Variants in CEP131 observed in about 807,000 individuals in gnomAD.
The protein encoded by CEP131 is centrosomal protein of 131 kDa.
In CEP131, 99 loss-of-function variants were observed where a neutral mutation model predicts 136.8. That is an observed-to-expected ratio of 0.72 (90% CI 0.62 to 0.86). The LOEUF (loss-of-function observed/expected upper bound fraction) is 0.86. Among genes scored for constraint, CEP131 ranks in the 40% least tolerant of loss-of-function variants. CEP131 has a pLI of 0.00. For missense variants in CEP131, 1,459 were observed against 1,463.0 expected, an observed-to-expected ratio of 1.00 and a Z score of 0.04; for synonymous variants, 646 against 612.7, an observed-to-expected ratio of 1.05 and a Z score of -0.80.
intron 7 of CEP131, among the ~76,000 whole-genome samples, chr17:81,201,317 G>T (rs368123419): frequency 6.6e-6 from 1 of 152,166 alleles, no homozygotes; most frequent in Non-Finnish European, 1.5e-5. Flanking sequence ...TGACGGCTCC[G>T]CCAGGAGCAG....
Position 81,219,872 on chromosome 17 carries a change from G to A in CEP131, c.177+8C>T, listed in dbSNP as rs779016745. ...CAGGGGCCCGGACTCCTAGGCCACAGTACTCACCAGCACCTTCCTCTTCTG... is the reference window on the plus strand; with the variant it reads ...CAGGGGCCCGGACTCCTAGGCCACAATACTCACCAGCACCTTCCTCTTCTG... On this transcript the variant is annotated splice_region_variant and intron_variant, in intron 2 of 25. Transcript: ENST00000450824. This position sits in a 1 kb window ranked among gnomAD's most constrained non-coding sequence, Gnocchi z 4.0. The A allele has an allele frequency of 7.0e-5, 111 of 1,592,094 alleles. No individual in the cohort carries two copies. The highest frequency in any genetic ancestry group is 1.7e-5 in the Admixed American group (1 of 57,570).
Position 81,191,334 on chromosome 17 carries a change from T to A in CEP131, c.2624A>T (p.Glu875Val). ...CTGTTCCCGGTTCAGCAGCCACGCC[T>A]CCTGGGGGGACATGCGCTGCCTGGG... ...AWEAGRTRKE[E>V]AWLLNREQEL... The change falls in exon 22 of 26, where the codon GAG (glutamate) becomes GTG (valine). Residue 875 changes from glutamate to valine, a missense_variant and splice_region_variant. This residue lies in a region of CEP131 where 1,026 missense variants were observed against 964.2 expected (regional missense o/e 1.06). Transcript: ENST00000450824. The A allele has an allele frequency of 6.2e-7, 1 of 1,612,604 alleles. No individual in the cohort carries two copies. Among genetic ancestry groups the A allele is most frequent in the African/African-American group, 1.3e-5 (1 of 75,048 alleles).
chr17:81,212,729 C>A (rs2062161408), intron 2 of CEP131, among the ~76,000 whole-genome samples: 1 of 152,224 alleles, frequency 6.6e-6, no homozygotes, highest in African/African-American at 2.4e-5. Context: ...ACGATGGGGC[C>A]GCATCCTCAC....
In CEP131 at chr17:81,203,335, G is replaced by A. The variant is rs1483043381; in HGVS notation, c.629+159C>T. ...TGCACTGACCACGTGCCCTGACCGA[G>A]GTTGGACCCCATGCACACTGACCGC... On this transcript the variant is annotated intron_variant, in intron 6 of 25. Coordinates refer to ENST00000450824, the MANE Select transcript of CEP131 (RefSeq NM_014984.4). The surrounding 1 kb of genome is among the most constrained non-coding windows in gnomAD (Gnocchi z 4.6). Among the ~76,000 whole-genome samples the A allele has an allele frequency of 2.0e-5, 3 of 152,226 alleles. No individual in the cohort carries two copies. Among genetic ancestry groups the A allele is most frequent in the Admixed American group, 1.3e-4 (2 of 15,288 alleles).
rs942398557 is a variant in CEP131 at position 81,219,130 on chromosome 17, GA to G, written c.177+749del. ...CCTGCCTTTCACAGCCCCCATCTGG[GA>G]ACCACCCACCCTCCTCCCTACTCCC... On this transcript the variant is annotated intron_variant, in intron 2 of 25. Transcript: ENST00000450824. The surrounding 1 kb of genome is among the most constrained non-coding windows in gnomAD (Gnocchi z 4.0). Among the ~76,000 whole-genome samples the G allele has an allele frequency of 2.6e-5, 4 of 152,084 alleles. No homozygotes were observed. The highest frequency in any genetic ancestry group is 9.7e-5 in the African/African-American group (4 of 41,416).
chr17:81,199,639 G>A lies in CEP131; in HGVS notation c.1023+80C>T, dbSNP rs370834461. ...CTGCCCTGAGGCTAAGTGTCCCGGG[G>A]CCCAGGGAGCCCCAGCAGCAGCCCC... is the stretch of plus-strand genomic sequence containing the variant. On this transcript the variant is annotated intron_variant, in intron 9 of 25. Coordinates refer to ENST00000450824, the MANE Select transcript of CEP131 (RefSeq NM_014984.4). 2.3e-3 allele frequency: 3,700 copies of A among 1,595,720 alleles called. 56 individuals are homozygous for A. In the South Asian group the frequency reaches 0.024, roughly 10 times the overall value.
rs780781659 is a variant in CEP131 at position 81,192,462 on chromosome 17, C to A, written c.2547+14G>T. On this transcript the variant is annotated intron_variant, in intron 20 of 25. Coordinates refer to ENST00000450824, the MANE Select transcript of CEP131 (RefSeq NM_014984.4). ...CCCCCTGGCCAGGCCCAGCACAGCC[C>A]TCCGGTGGTAGACCTGGTGCCGGCG... 10 of 1,612,036 alleles carry A rather than the reference C, an allele frequency of 6.2e-6. No individual in the cohort carries two copies. The Admixed American group carries it at 1.2e-4, about 19-fold the overall frequency.
rs1296201332 is a variant in CEP131 at position 81,219,126 on chromosome 17, C to G, written c.177+754G>C. ...CCGGCCTGCCTTTCACAGCCCCCATCTGGGAACCACCCACCCTCCTCCCTA... is the reference window on the plus strand; with the variant it reads ...CCGGCCTGCCTTTCACAGCCCCCATGTGGGAACCACCCACCCTCCTCCCTA... On this transcript the variant is annotated intron_variant, in intron 2 of 25. Transcript: ENST00000450824. The surrounding 1 kb of genome is among the most constrained non-coding windows in gnomAD (Gnocchi z 4.0). Among the ~76,000 whole-genome samples the G allele has an allele frequency of 6.6e-6, 1 of 152,154 alleles. No individual in the cohort carries two copies. Among genetic ancestry groups the G allele is most frequent in the Non-Finnish European group, 1.5e-5 (1 of 68,012 alleles).
chr17:81,221,643 C>CA (rs1261969150), intron 1 of CEP131, among the ~76,000 whole-genome samples: 1 of 152,216 alleles, frequency 6.6e-6, no homozygotes, highest in Non-Finnish European at 1.5e-5. Flanking sequence ...TCCCTGCACT[C>CA]AGAGGCCTTC....
chr17:81,207,134 C>A lies in CEP131; in HGVS notation c.378G>T (p.Trp126Cys). 1 of 1,612,602 alleles carries A rather than the reference C, an allele frequency of 6.2e-7. No homozygotes were observed. The highest frequency in any genetic ancestry group is 8.5e-7 in the Non-Finnish European group (1 of 1,179,648). Residue 126 changes from tryptophan (W) to cysteine (C), a missense_variant, in exon 4 of 26, where the codon TGG becomes TGT. By Grantham distance (215) the Trp-to-Cys change is radical (BLOSUM62 -2). Around this residue, in one of 3 missense-constraint regions of CEP131, gnomAD observed 187 missense variants for 179.9 expected, o/e 1.04. Transcript: ENST00000450824. ...STAPSEKGAT[W>C]NVLDDQPRGF... ...GCATGCACCACCTTACCAGGACGTT[C>A]CAGGTGGCTCCCTTCTCGCTGGGGG...
chr17:81,194,405 G>A (rs2061709941), intron 17 of CEP131, among the ~76,000 whole-genome samples: 1 of 152,204 alleles, frequency 6.6e-6, no homozygotes, highest in African/African-American at 2.4e-5. Flanking sequence ...GGTGTCCAGA[G>A]CGAGAGGACC....
Position 81,197,693 on chromosome 17 carries a change from C to T in CEP131, c.1647+19G>A, listed in dbSNP as rs201242102. 8.7e-4 allele frequency: 1,382 copies of T among 1,596,052 alleles called. 12 individuals are homozygous for T. The highest frequency in any genetic ancestry group is 7.4e-3 in the South Asian group (667 of 90,014). ...GCCTCCTCCCACTGGGGGCCGGGTG[C>T]GGGCTGGTGAGGGGCCACCTCCTGC... is the stretch of plus-strand genomic sequence containing the variant. On this transcript the variant is annotated intron_variant, in intron 13 of 25. Coordinates refer to ENST00000450824, the MANE Select transcript of CEP131 (RefSeq NM_014984.4).
At chr17:81,202,217 C>T (rs73356021) in intron 7 of CEP131, 23 bp downstream of exon 7, 66 of 1,549,686 alleles carry the variant, frequency 4.3e-5, no homozygotes, top group African/African-American at 1.8e-4. Context: ...CAGGCCCCCC[C>T]CCACCGCCCC....
At chr17:81,209,099 A>G in intron 2 of CEP131, 77 bp from the exon 3 acceptor site, 1 of 1,107,380 alleles carries the variant, frequency 9.0e-7, no homozygotes, top group East Asian at 2.5e-5. Flanking sequence ...CCAGCTTTGG[A>G]GAAACGCAGT....
Position 81,219,138 on chromosome 17 carries a change from C to T in CEP131, c.177+742G>A, listed in dbSNP as rs2062325860. ...TCACAGCCCCCATCTGGGAACCACCCACCCTCCTCCCTACTCCCAGAGGTG... is the reference window on the plus strand; with the variant it reads ...TCACAGCCCCCATCTGGGAACCACCTACCCTCCTCCCTACTCCCAGAGGTG... On this transcript the variant is annotated intron_variant, in intron 2 of 25. Coordinates refer to ENST00000450824, the MANE Select transcript of CEP131 (RefSeq NM_014984.4). This position sits in a 1 kb window ranked among gnomAD's most constrained non-coding sequence, Gnocchi z 4.0. Among the ~76,000 whole-genome samples the T allele has an allele frequency of 6.6e-6, 1 of 152,154 alleles. No individual in the cohort carries two copies. The highest frequency in any genetic ancestry group is 2.4e-5 in the African/African-American group (1 of 41,438).
chr17:81,205,190 C>T (rs566619407), intron 5 of CEP131, among the ~76,000 whole-genome samples: 4 of 148,324 alleles, frequency 2.7e-5, no homozygotes, highest in Admixed American at 6.7e-5. Flanking sequence ...ACCCGGGAAG[C>T]GGAGGTTGCG....
intron 4 of CEP131, 114 bp downstream of exon 4, chr17:81,207,011 A>T: frequency 6.6e-7 from 1 of 1,515,422 alleles, no homozygotes; most frequent in Non-Finnish European, 8.9e-7. Flanking sequence ...TGTCAGATCT[A>T]AGCTTGACAC....
In CEP131 at chr17:81,199,550, C is replaced by T. The variant is rs1195601524; in HGVS notation, c.1024-1G>A. On this transcript the variant is annotated splice_acceptor_variant, in intron 9 of 25. Transcript: ENST00000450824. LOFTEE classifies it high-confidence loss of function. ...TCAGGGCTCGTTTCTGTTGCAGCTCCTGCAGTGGGAGCATCGCTGAGCACT... is the reference window on the plus strand; with the variant it reads ...TCAGGGCTCGTTTCTGTTGCAGCTCTTGCAGTGGGAGCATCGCTGAGCACT... 9 of 1,604,426 alleles carry T rather than the reference C, an allele frequency of 5.6e-6. No homozygotes were observed. The highest frequency in any genetic ancestry group is 7.7e-6 in the Non-Finnish European group (9 of 1,176,086).
At chr17:81,197,346 A>G in intron 13 of CEP131, 1 of 539,836 alleles carries the variant, frequency 1.9e-6, no homozygotes, top group Non-Finnish European at 3.3e-6. Flanking sequence ...TGCTCCATTT[A>G]GCCTGGCCGC....
Sources: allele counts gnomAD v4.1 joint callset (sites outside exome capture counted in the v4.1 genomes callset), GRCh38; gene constraint gnomAD v4.1.1; regional missense constraint gnomAD v4.1.1; non-coding constraint Gnocchi (gnomAD v3.1); transcripts MANE v1.5; gene names NCBI Gene and HGNC (gene_info 2026-07-23, HGNC 2026-07-21).